SEL1L3: variants seen among roughly 807,000 people sequenced by gnomAD.
SEL1L3 encodes the protein protein sel-1 homolog 3.
SEL1L3 carries 76 observed loss-of-function variants against 142.8 expected under a neutral mutation model. The ratio of observed to expected loss-of-function variants is 0.53; its 90% CI spans 0.44 to 0.64. SEL1L3 has a LOEUF of 0.64. SEL1L3 is among the 30% of genes least tolerant of loss of function. The pLI is 0.00. For synonymous variants in SEL1L3, 504 were observed against 519.6 expected (o/e 0.97, Z 0.41); for missense variants, 1,262 against 1,381.7 (o/e 0.91, Z 1.37).
the SEL1L3 span, among the ~76,000 whole-genome samples, chr4:25,722,661 T>G: frequency 4.2e-5 from 6 of 143,000 alleles, no homozygotes; most frequent in African/African-American, 1.8e-4. Flanking sequence ...CTTGCTGTAT[T>G]GCCCAGGCTG....
intron 9 of SEL1L3, among the ~76,000 whole-genome samples, chr4:25,815,335 C>A (rs1413386239): frequency 6.6e-6 from 1 of 152,066 alleles, no homozygotes; most frequent in Admixed American, 6.5e-5. Context: ...GCTCACTGTG[C>A]GGGAATCTAG....
rs1577672888 is a variant in SEL1L3, at chr4:25,832,859, A to C, written c.1098+136T>G. On this transcript the variant is annotated intron_variant, in intron 5 of 23. Transcript: ENST00000399878. ...CCATCTATGAAAGTTTGATTTAGCA[A>C]GCGTGTAGTTGTAACGAGTCTATCA... The C allele has an allele frequency of 1.7e-5, 10 of 600,436 alleles. No individual in the cohort carries two copies. In the East Asian group the frequency reaches 2.8e-4, roughly 17 times the overall value. 37.2% of individuals were successfully genotyped at this position (600,436 alleles called of 1,614,324 possible). A position where few individuals can be genotyped will look rare whatever the true frequency, so the allele number is the denominator to read the frequency against.
chr4:25,742,706 A>G (rs1717155228), downstream of SEL1L3, among the ~76,000 whole-genome samples: 1 of 152,208 alleles, frequency 6.6e-6, no homozygotes, highest in Non-Finnish European at 1.5e-5. Context: ...TCTTACTTAC[A>G]TTTAATATTA....
intron 17 of SEL1L3, among the ~76,000 whole-genome samples, chr4:25,769,703 A>G (rs1272123400): frequency 2.6e-5 from 4 of 152,202 alleles, no homozygotes; most frequent in African/African-American, 7.2e-5. Flanking sequence ...CTGGTGTCTC[A>G]GTTTCCACCA....
intron 9 of SEL1L3, among the ~76,000 whole-genome samples, chr4:25,808,997 C>G (rs1404614462): frequency 6.9e-6 from 1 of 144,668 alleles, no homozygotes; most frequent in South Asian, 2.2e-4. Flanking sequence ...GGCGTGAACC[C>G]GGGAGGCAGA....
At chr4:25,833,379 AC>A (rs1189008800) in intron 4 of SEL1L3, 68 bp downstream of exon 4, 4 of 1,434,022 alleles carry the variant, frequency 2.8e-6, no homozygotes, top group Admixed American at 1.9e-5. Context: ...TTCTAGACAG[AC>A]ATATCTGTCA....
the SEL1L3 span, among the ~76,000 whole-genome samples, chr4:25,724,736 C>CAAAAAAAAA: frequency 8.3e-4 from 5 of 5,996 alleles, no homozygotes; most frequent in African/African-American, 3.0e-3. Flanking sequence ...GACTCCAACT[C>CAAAAAAAAA]AAAAAAAAAA....
the SEL1L3 span, among the ~76,000 whole-genome samples, chr4:25,728,587 A>C: frequency 3.3e-5 from 5 of 151,908 alleles, no homozygotes; most frequent in Admixed American, 6.6e-5. Context: ...CCCATACCTA[A>C]GGCTATCTTG....
In SEL1L3 at chr4:25,758,993, C is replaced by T. The variant is rs748320773; in HGVS notation, c.3031G>A (p.Asp1011Asn). The change falls in exon 21 of 24, where the codon GAC (aspartate) becomes AAC (asparagine). Residue 1011 changes from aspartate (D) to asparagine (N), a missense_variant. By Grantham distance (23) the Asp-to-Asn change is conservative. This residue lies in a region of SEL1L3 where 435 missense variants were observed against 559.2 expected (regional missense o/e 0.78). Coordinates refer to ENST00000399878, the MANE Select transcript of SEL1L3 (RefSeq NM_015187.5). ...ATGTTATTAGAATGGAGAGTTGAGT[C>T]AATTTCCAAGAAATCCAAGATATGG... ...PHHILDFLEI[D>N]STLHSNNISI... 6.2e-7 allele frequency: 1 copy of T among 1,613,786 alleles called. No homozygotes were observed. The highest frequency in any genetic ancestry group is 1.1e-5 in the South Asian group (1 of 91,058).
At chr4:25,849,662 A>G (rs996621098) in intron 1 of SEL1L3, among the ~76,000 whole-genome samples, 3 of 152,242 alleles carry the variant, frequency 2.0e-5, no homozygotes, top group African/African-American at 7.2e-5. Context: ...ACACTTAGAA[A>G]TGATTAAAAA....
intron 2 of SEL1L3, among the ~76,000 whole-genome samples, chr4:25,837,653 G>C (rs1038591620): frequency 6.6e-6 from 1 of 152,000 alleles, no homozygotes; most frequent in African/African-American, 2.4e-5. Flanking sequence ...TGGATTCCTA[G>C]TGCAGTTTGC....
Position 25,779,151 on chromosome 4 carries a change from C to T in SEL1L3, c.2510G>A (p.Gly837Glu). The T allele has an allele frequency of 6.2e-7, 1 of 1,613,358 alleles. No homozygotes were observed. The change falls in exon 16 of 24, where the codon GGG becomes GAG. Residue 837 changes from glycine (G) to glutamate (E), a missense_variant. Physicochemically the swap from Gly to Glu is moderately conservative, Grantham distance 98 (BLOSUM62 -2). Around this residue, in one of 3 missense-constraint regions of SEL1L3, gnomAD observed 435 missense variants for 559.2 expected, o/e 0.78. Coordinates refer to ENST00000399878, the MANE Select transcript of SEL1L3 (RefSeq NM_015187.5). ...HKAAQGGHME[G>E]TLWCSLYYIT... Reference sequence around the variant, plus strand: ...ATAGTAGAGAGAACACCACAAGGTCCCTTCCATGTGTCCACCTTGCGCAGC... The same window carrying T: ...ATAGTAGAGAGAACACCACAAGGTCTCTTCCATGTGTCCACCTTGCGCAGC...
chr4:25,831,369 C>A (rs1715423922), intron 5 of SEL1L3, among the ~76,000 whole-genome samples: 2 of 151,988 alleles, frequency 1.3e-5, no homozygotes. Flanking sequence ...CTTCTCCGTT[C>A]TCCATCTAAA....
intron 16 of SEL1L3, among the ~76,000 whole-genome samples, chr4:25,776,937 G>T (rs1270982746): frequency 1.3e-5 from 2 of 150,032 alleles, no homozygotes; most frequent in South Asian, 4.2e-4. Context: ...AAAATAAACA[G>T]GAAAATGGTA....
Position 25,818,268 on chromosome 4 carries a change from G to T in SEL1L3, c.1434C>A (p.His478Gln). ...TGCGCTGGAGGTCCAGGTAGGAGTT[G>T]TGGAGGTGGCCTACACAGAAGAGGG... ...GGERQEACHL[H>Q]NSYLDLQRRY... Residue 478 changes from histidine to glutamine, a missense_variant, in exon 9 of 24, where the codon CAC becomes CAA. Physicochemically the swap from His to Gln is conservative, Grantham distance 24. This residue lies in a region of SEL1L3 where 689 missense variants were observed against 692.8 expected (regional missense o/e 0.99). Transcript: ENST00000399878. The T allele has an allele frequency of 6.2e-7, 1 of 1,600,566 alleles. No individual in the cohort carries two copies. The highest frequency in any genetic ancestry group is 2.3e-5 in the East Asian group (1 of 44,404).
At chr4:25,787,462 A>G (rs1370903241) in intron 13 of SEL1L3, among the ~76,000 whole-genome samples, 1 of 152,160 alleles carries the variant, frequency 6.6e-6, no homozygotes, top group Non-Finnish European at 1.5e-5. Context: ...CTGGGATTAC[A>G]GGCACAGCCA....
At chr4:25,744,513 C>T (rs188871063), downstream of SEL1L3, among the ~76,000 whole-genome samples, 5 of 151,884 alleles carry the variant, frequency 3.3e-5, no homozygotes, top group African/African-American at 1.2e-4. Context: ...ACCACCACGC[C>T]CAGCTAATTT....
chr4:25,756,001 T>C, intron 23 of SEL1L3: 1 of 985,446 alleles, frequency 1.0e-6, no homozygotes. Context: ...AAGGTTTTGA[T>C]GGGTCCTTGT....
intron 19 of SEL1L3, among the ~76,000 whole-genome samples, chr4:25,766,924 G>C (rs1718784810): frequency 6.6e-6 from 1 of 152,176 alleles, no homozygotes; most frequent in African/African-American, 2.4e-5. Flanking sequence ...GCAGCGTAGA[G>C]GAATCCGCAC....
Sources: gnomAD v4.1 joint callset for allele counts (sites outside exome capture counted in the v4.1 genomes callset) on GRCh38, gnomAD v4.1.1 for gene constraint, gnomAD v4.1.1 regional missense constraint, MANE v1.5 for transcripts, NCBI Gene and HGNC (gene_info 2026-07-23, HGNC 2026-07-21) for gene names.